The following SLC7A14 variants were observed in gnomAD, a reference collection of about 807,000 sequenced individuals.
SLC7A14 encodes gamma-aminobutyric acid transporter SLC7A14.
Under a neutral mutation model 60.2 loss-of-function variants are expected in SLC7A14, and 37 were observed. The observed-to-expected ratio is 0.61, with a 90% CI of 0.47 to 0.81. The LOEUF is 0.81. SLC7A14 is among the 30% of genes least tolerant of loss of function. SLC7A14 has a pLI of 0.00. For missense variants in SLC7A14, 886 were observed against 982.7 expected (o/e 0.90, Z 1.32); for synonymous variants, 399 against 395.8 (o/e 1.01, Z -0.10).
At chr3:170,480,170 A>G in intron 7 of SLC7A14, 119 bp downstream of exon 7, 1 of 1,090,202 alleles carries the variant, frequency 9.2e-7, no homozygotes. Flanking sequence ...AAGGGTCCAT[A>G]GAACCAGCCA....
intron 1 of SLC7A14, among the ~76,000 whole-genome samples, chr3:170,567,742 C>T (rs566632840): frequency 6.6e-6 from 1 of 152,154 alleles, no homozygotes; most frequent in South Asian, 2.1e-4. Context: ...TTTTGATTTG[C>T]ATTTCTCTGA....
intron 1 of SLC7A14, among the ~76,000 whole-genome samples, chr3:170,574,101 A>G (rs1047347063): frequency 6.6e-6 from 1 of 152,196 alleles, no homozygotes; most frequent in African/African-American, 2.4e-5. Context: ...GTGACCCTAC[A>G]AAGCCCTACC....
chr3:170,507,319 T>C (rs1037111959), intron 2 of SLC7A14, among the ~76,000 whole-genome samples: 1 of 152,180 alleles, frequency 6.6e-6, no homozygotes, highest in East Asian at 1.9e-4. Context: ...CCTTGAAGCA[T>C]CTATATTTCA....
chr3:170,475,797 C>T (rs1711592631), intron 7 of SLC7A14, among the ~76,000 whole-genome samples: 1 of 152,092 alleles, frequency 6.6e-6, no homozygotes. Context: ...ACTGTAACCT[C>T]CGCCTCCAGG....
rs1712188492 is a variant in SLC7A14, at chr3:170,490,710, T to C, written c.760-4342A>G. ...GCTTTAGTTAGGAGCATAGACTTTG[T>C]AGACTGTCAGGCCCAGGTTGATTCT... is the stretch of plus-strand genomic sequence containing the variant. On this transcript the variant is annotated intron_variant, in intron 4 of 7. Coordinates refer to ENST00000231706, the MANE Select transcript of SLC7A14 (RefSeq NM_020949.3). Among the ~76,000 whole-genome samples, 3 of 152,346 alleles carry C rather than the reference T, an allele frequency of 2.0e-5. No individual in the cohort carries two copies. The South Asian group carries it at 6.2e-4, about 32-fold the overall frequency.
intron 1 of SLC7A14, among the ~76,000 whole-genome samples, chr3:170,549,483 G>A (rs1269290410): frequency 6.6e-6 from 1 of 152,088 alleles, no homozygotes; most frequent in African/African-American, 2.4e-5. Flanking sequence ...CAAAGTGCTG[G>A]GATTACAGAC....
At chr3:170,570,907 G>A (rs550737501) in intron 1 of SLC7A14, among the ~76,000 whole-genome samples, 53 of 151,730 alleles carry the variant, frequency 3.5e-4, no homozygotes, top group Non-Finnish European at 6.5e-4. Context: ...ATTGTGTAGT[G>A]GTGAGGTCTG....
At chr3:170,549,662 C>T (rs1182622826) in intron 1 of SLC7A14, among the ~76,000 whole-genome samples, 4 of 152,162 alleles carry the variant, frequency 2.6e-5, no homozygotes, top group South Asian at 2.1e-4. Flanking sequence ...TAGAGCTACC[C>T]GATGCCCTGG....
At chr3:170,547,522 A>C (rs1051100491) in intron 1 of SLC7A14, among the ~76,000 whole-genome samples, 13 of 152,318 alleles carry the variant, frequency 8.5e-5, no homozygotes, top group African/African-American at 2.6e-4. Flanking sequence ...AAGAAAATGT[A>C]ATTATTAAGA....
rs183092160 is a variant in SLC7A14, at chr3:170,518,074, T to G, written c.304+8559A>C. Among the ~76,000 whole-genome samples the G allele has an allele frequency of 3.2e-3, 487 of 152,306 alleles. 3 individuals are homozygous for G. The highest frequency in any genetic ancestry group is 5.1e-3 in the Non-Finnish European group (348 of 68,024). On this transcript the variant is annotated intron_variant, in intron 2 of 7. Transcript: ENST00000231706. Reference sequence around the variant, plus strand: ...ATTTGAGTTCTGGCACGGCACTAAATAGTTGTGGGACTTTCAGGAAGCTCC... The same window carrying G: ...ATTTGAGTTCTGGCACGGCACTAAAGAGTTGTGGGACTTTCAGGAAGCTCC...
intron 1 of SLC7A14, among the ~76,000 whole-genome samples, chr3:170,539,531 T>C (rs1713947708): frequency 6.6e-6 from 1 of 152,240 alleles, no homozygotes; most frequent in Non-Finnish European, 1.5e-5. Context: ...TATTTACTTA[T>C]TTATTTAGTT....
chr3:170,569,790 A>G (rs1287675019), intron 1 of SLC7A14, among the ~76,000 whole-genome samples: 1 of 151,900 alleles, frequency 6.6e-6, no homozygotes, highest in African/African-American at 2.4e-5. Flanking sequence ...TTTCTAGTTT[A>G]TTTGTGTAGA....
chr3:170,566,563 C>G (rs1714793943), intron 1 of SLC7A14, among the ~76,000 whole-genome samples: 1 of 152,132 alleles, frequency 6.6e-6, no homozygotes, highest in South Asian at 2.1e-4. Context: ...TCTTGTTTCT[C>G]TCCTGCCACA....
intron 1 of SLC7A14, among the ~76,000 whole-genome samples, chr3:170,528,827 CAT>C (rs1413025927): frequency 6.6e-6 from 1 of 152,018 alleles, no homozygotes; most frequent in Non-Finnish European, 1.5e-5. Flanking sequence ...GAAAATATAC[CAT>C]ATGTTTACCG....
chr3:170,503,291 C>T (rs1712670632), intron 2 of SLC7A14, among the ~76,000 whole-genome samples: 1 of 152,170 alleles, frequency 6.6e-6, no homozygotes, highest in African/African-American at 2.4e-5. Context: ...TTGCTGCTTC[C>T]AACACCTGAT....
At chr3:170,506,697 A>G (rs1432713911) in intron 2 of SLC7A14, among the ~76,000 whole-genome samples, 1 of 152,196 alleles carries the variant, frequency 6.6e-6, no homozygotes, top group African/African-American at 2.4e-5. Flanking sequence ...CCAATAGCAA[A>G]GATAATCACG....
At position 170,498,756 on chromosome 3, in the gene SLC7A14, C is replaced by T; in HGVS notation, c.670G>A (p.Val224Ile). 2 of 1,614,226 alleles carry T rather than the reference C, an allele frequency of 1.2e-6. No homozygotes were observed. The highest frequency in any genetic ancestry group is 1.1e-5 in the South Asian group (1 of 91,088). Reference sequence around the variant, plus strand: ...CCTGCGATCATGATGAACACCCATACTGCCAGGTTCAGCACATTGAGAACA... The same window carrying T: ...CCTGCGATCATGATGAACACCCATATTGCCAGGTTCAGCACATTGAGAACA... ...NNVLNVLNLAVWVFIMIAGLF... is the reference protein window; with the variant it reads ...NNVLNVLNLAIWVFIMIAGLF... Residue 224 changes from valine (V) to isoleucine (I), a missense_variant, in exon 4 of 8, where the codon GTA (valine) becomes ATA (isoleucine). Coordinates refer to ENST00000231706, the MANE Select transcript of SLC7A14 (RefSeq NM_020949.3).
chr3:170,524,513 A>G (rs897989577), intron 2 of SLC7A14, among the ~76,000 whole-genome samples: 19 of 72,292 alleles, frequency 2.6e-4, no homozygotes, highest in Non-Finnish European at 4.8e-4. Flanking sequence ...CTGGGTCAAA[A>G]TGGATGAGAT....
At chr3:170,515,052 C>T (rs1018100352) in intron 2 of SLC7A14, among the ~76,000 whole-genome samples, 2 of 152,078 alleles carry the variant, frequency 1.3e-5, no homozygotes, top group Non-Finnish European at 2.9e-5. Flanking sequence ...GTGGCTCATG[C>T]CTGTAATCCC....
Sources: gnomAD v4.1 joint callset for allele counts (sites outside exome capture counted in the v4.1 genomes callset) on GRCh38, gnomAD v4.1.1 for gene constraint, MANE v1.5 for transcripts, NCBI Gene and HGNC (gene_info 2026-07-23, HGNC 2026-07-21) for gene names.